The following TXNL4B variants were observed in gnomAD, a reference collection of about 807,000 sequenced individuals.
The protein encoded by TXNL4B is thioredoxin-like protein 4B.
A neutral mutation model predicts 13.0 loss-of-function variants in TXNL4B; 12 were observed. The ratio of observed to expected loss-of-function variants is 0.92; its 90% confidence interval spans 0.59 to 1.49. The LOEUF (loss-of-function observed/expected upper bound fraction) is 1.49. TXNL4B is among the 40% of genes most tolerant of loss of function. TXNL4B has a pLI of 0.00. For missense variants in TXNL4B, 214 were observed against 173.6 expected, an observed-to-expected ratio of 1.23 and a Z score of -1.31; for synonymous variants, 59 against 58.9, an observed-to-expected ratio of 1.00 and a Z score of -0.01.
intron 1 of TXNL4B, among the ~76,000 whole-genome samples, chr16:72,091,007 T>A (rs562723033): frequency 1.3e-5 from 2 of 152,328 alleles, no homozygotes; most frequent in African/African-American, 4.8e-5. Flanking sequence ...TAGTTTCTCA[T>A]GTATCTTTCA....
At chr16:72,091,318 G>A (rs557247330) in intron 1 of TXNL4B, among the ~76,000 whole-genome samples, 2 of 152,254 alleles carry the variant, frequency 1.3e-5, no homozygotes, top group South Asian at 4.1e-4. Flanking sequence ...GGTGAGTGGA[G>A]AGGACAGTGT....
At chr16:72,087,966 C>T (rs2041847919) in intron 3 of TXNL4B, among the ~76,000 whole-genome samples, 1 of 152,194 alleles carries the variant, frequency 6.6e-6, no homozygotes, top group African/African-American at 2.4e-5. Flanking sequence ...ACTACATGCG[C>T]CCGCCACCAC....
chr16:72,093,342 A>G (rs1235238087), intron 1 of TXNL4B, 25 bp downstream of exon 1: 3 of 152,354 alleles, frequency 2.0e-5, no homozygotes, highest in East Asian at 3.9e-4. Context: ...CTGGCCCACA[A>G]GCGCTAAGGG....
At chr16:72,090,522 C>A in intron 2 of TXNL4B, 96 bp downstream of exon 2, 1 of 1,325,720 alleles carries the variant, frequency 7.5e-7, no homozygotes, top group Non-Finnish European at 1.1e-6. Context: ...AGCTATATAC[C>A]CAACCCTGAC....
intron 3 of TXNL4B, among the ~76,000 whole-genome samples, chr16:72,088,202 G>C (rs1457541932): frequency 6.6e-6 from 1 of 152,120 alleles, no homozygotes; most frequent in Non-Finnish European, 1.5e-5. Flanking sequence ...GACCTCAAAT[G>C]ATCCGCCTGC....
chr16:72,089,296 C>T (rs1376523892), intron 2 of TXNL4B, among the ~76,000 whole-genome samples, 158 bp from the exon 3 acceptor site: 5 of 152,208 alleles, frequency 3.3e-5, no homozygotes, highest in Non-Finnish European at 5.9e-5. Context: ...ATAACCCCAT[C>T]CTCCAGAGTC....
Position 72,086,278 on chromosome 16 carries a change from C to A in TXNL4B, c.*359G>T. 1 of 166,976 alleles carries A rather than the reference C, an allele frequency of 6.0e-6. No homozygotes were observed. Among genetic ancestry groups the A allele is most frequent in the South Asian group, 1.7e-4 (1 of 5,718 alleles). 10.3% of individuals were successfully genotyped at this position (166,976 alleles called of 1,614,324 possible). The stretch of plus-strand genomic sequence containing the variant: ...TTCTATGGGAAGTGACTTTCCAGTT[C>A]ACTTGTGTATCAAATGAACATGATG... On this transcript the variant is annotated 3_prime_UTR_variant, in exon 4 of 4. Coordinates refer to ENST00000268483, the MANE Select transcript of TXNL4B (RefSeq NM_017853.3).
chr16:72,092,367 C>G (rs76139748), intron 1 of TXNL4B, among the ~76,000 whole-genome samples: 2 of 151,566 alleles, frequency 1.3e-5, no homozygotes, highest in Non-Finnish European at 2.9e-5. Context: ...GAGCTAGGAT[C>G]GCTCCACTGC....
Position 72,086,719 on chromosome 16 carries a change from G to C in TXNL4B, c.368C>G (p.Ala123Gly), listed in dbSNP as rs1276099286. The C allele has an allele frequency of 6.2e-7, 1 of 1,613,680 alleles. No homozygotes were observed. Among genetic ancestry groups the C allele is most frequent in the South Asian group, 1.1e-5 (1 of 91,070 alleles). Residue 123 changes from alanine to glycine, a missense_variant, in exon 4 of 4, where the codon GCA becomes GGA. By Grantham distance (60) the Ala-to-Gly change is moderately conservative. Transcript: ENST00000268483. ...IDLIEVIYRG[A>G]MRGKLIVQSP... The stretch of plus-strand genomic sequence containing the variant: ...TTGGACAATAAGCTTCCCCCTCATT[G>C]CTCCTCGATAGATTACTTCAATCAA...
chr16:72,093,065 G>A lies in TXNL4B; in HGVS notation c.-38+302C>T, dbSNP rs147602938. 1.5e-3 allele frequency among the ~76,000 whole-genome samples: 225 copies of A among 152,206 alleles called. 2 individuals carry two copies. The East Asian group carries it at 0.039, about 26-fold the overall frequency. Reference sequence around the variant, plus strand: ...TGCCCAGGCTGGTCTCAACTCCCCAGGCTCAAGCAATCCTCCCGCCTCAGC... The same window carrying A: ...TGCCCAGGCTGGTCTCAACTCCCCAAGCTCAAGCAATCCTCCCGCCTCAGC... On this transcript the variant is annotated intron_variant, in intron 1 of 3. Coordinates refer to ENST00000268483, the MANE Select transcript of TXNL4B (RefSeq NM_017853.3).
chr16:72,090,171 C>T (rs1270715575), intron 2 of TXNL4B: 9 of 456,066 alleles, frequency 2.0e-5, no homozygotes, highest in Non-Finnish European at 3.1e-5. Context: ...ATACTGGAGG[C>T]AGCACACTAG....
At chr16:72,087,658 T>A (rs928481187) in intron 3 of TXNL4B, among the ~76,000 whole-genome samples, 1 of 152,056 alleles carries the variant, frequency 6.6e-6, no homozygotes, top group Non-Finnish European at 1.5e-5. Flanking sequence ...TTTGTGTTTT[T>A]TTTTTGTTGT....
chr16:72,090,832 T>A, intron 1 of TXNL4B, 46 bp from the exon 2 acceptor site: 1 of 1,507,070 alleles, frequency 6.6e-7, no homozygotes, highest in Non-Finnish European at 9.1e-7. Context: ...ATTAAGTGCG[T>A]GAGCCCTCAT....
At chr16:72,092,612 G>A (rs1458974115) in intron 1 of TXNL4B, among the ~76,000 whole-genome samples, 2 of 152,150 alleles carry the variant, frequency 1.3e-5, no homozygotes, top group Non-Finnish European at 2.9e-5. Context: ...CAAACAAACA[G>A]CAGTTCCTCC....
In TXNL4B at chr16:72,089,045, T is replaced by A. The variant is rs777560550; in HGVS notation, c.226A>T (p.Ser76Cys). Reference protein sequence around the residue: ...TAVYTQYFDISYIPSTVFFFN... With the variant: ...TAVYTQYFDICYIPSTVFFFN... ...AAAAAGACAGTAGATGGAATATAAC[T>A]GATGTCAAAATACTGTGTATAAACT... The change falls in exon 3 of 4, where the codon AGT becomes TGT. Residue 76 changes from serine to cysteine, a missense_variant. By Grantham distance (112) the Ser-to-Cys change is moderately radical. Transcript: ENST00000268483. 11 of 1,612,308 alleles carry A rather than the reference T, an allele frequency of 6.8e-6. No homozygotes were observed. Among genetic ancestry groups the A allele is most frequent in the Non-Finnish European group, 9.3e-6 (11 of 1,178,562 alleles).
intron 3 of TXNL4B, chr16:72,087,215 T>A (rs1403095134): frequency 6.5e-6 from 1 of 154,956 alleles, no homozygotes; most frequent in Non-Finnish European, 1.4e-5. Flanking sequence ...AAAAATTGAT[T>A]TTTTAGAAAA....
intron 2 of TXNL4B, chr16:72,089,987 T>G (rs152828): frequency 2.4e-6 from 1 of 419,938 alleles, no homozygotes; most frequent in Non-Finnish European, 4.8e-6. Flanking sequence ...TTCCTCCTGC[T>G]TATGACTGAG....
At position 72,086,388 on chromosome 16, in the gene TXNL4B, C is replaced by G; in HGVS notation, c.*249G>C. 2.9e-6 allele frequency: 1 copy of G among 350,608 alleles called. No homozygotes were observed. 21.7% of individuals were successfully genotyped at this position (350,608 alleles called of 1,614,324 possible). A position where few individuals can be genotyped will look rare whatever the true frequency, so the allele number is the denominator to read the frequency against. On this transcript the variant is annotated 3_prime_UTR_variant, in exon 4 of 4. Transcript: ENST00000268483. ...CATTAGAAAGAGAAGTTACAAAAAT[C>G]ACTGTGGGGAAAATGAACACCAATG...
intron 1 of TXNL4B, 67 bp from the exon 2 acceptor site, chr16:72,090,853 T>G: frequency 7.6e-7 from 1 of 1,314,628 alleles, no homozygotes; most frequent in African/African-American, 1.5e-5. Context: ...TAAAAAAAAT[T>G]AATTCACAGA....
Sources: allele counts gnomAD v4.1 joint callset (sites outside exome capture counted in the v4.1 genomes callset), GRCh38; gene constraint gnomAD v4.1.1; transcripts MANE v1.5; gene names NCBI Gene and HGNC (gene_info 2026-07-23, HGNC 2026-07-21).